MAN2B2: variants seen among roughly 807,000 people sequenced by gnomAD.
MAN2B2 encodes the protein epididymis-specific alpha-mannosidase.
Under a neutral mutation model 117.1 loss-of-function variants are expected in MAN2B2, and 106 were observed. The observed-to-expected ratio is 0.90, with a 90% CI of 0.77 to 1.06. MAN2B2 has a LOEUF of 1.06. Among genes scored for constraint, MAN2B2 ranks in the 50% least tolerant of loss-of-function variants. The pLI is 0.00. For synonymous variants in MAN2B2, 544 were observed against 595.1 expected (o/e 0.91, Z 1.25); for missense variants, 1,326 against 1,381.4 (o/e 0.96, Z 0.64).
chr4:6,604,729 G>T (rs1208949868), intron 10 of MAN2B2, among the ~76,000 whole-genome samples: 1 of 152,054 alleles, frequency 6.6e-6, no homozygotes, highest in Non-Finnish European at 1.5e-5. Context: ...GTGGATTTGG[G>T]TTTGCTTTTG....
intron 10 of MAN2B2, among the ~76,000 whole-genome samples, chr4:6,604,038 C>T (rs1023966107): frequency 1.3e-5 from 2 of 152,162 alleles, no homozygotes; most frequent in African/African-American, 4.8e-5. Flanking sequence ...AGTCCGTCCA[C>T]GTGGGGATGA....
intron 7 of MAN2B2, 122 bp from the exon 8 acceptor site, chr4:6,596,990 TC>T (rs1254408824): frequency 1.1e-5 from 11 of 968,196 alleles, no homozygotes; most frequent in Non-Finnish European, 1.7e-5. Flanking sequence ...CCGGCCTGCC[TC>T]CTTGGGTGAC....
chr4:6,588,098 G>T (rs969675816), intron 4 of MAN2B2, among the ~76,000 whole-genome samples: 6 of 152,102 alleles, frequency 3.9e-5, no homozygotes, highest in African/African-American at 1.2e-4. Flanking sequence ...GCAACCTTAT[G>T]GGACGGTGTC....
intron 3 of MAN2B2, among the ~76,000 whole-genome samples, chr4:6,579,124 T>TACCACCACCATC (rs1726230247): frequency 4.9e-5 from 1 of 20,568 alleles, no homozygotes; most frequent in Non-Finnish European, 9.9e-5. Flanking sequence ...CCATCACCAC[T>TACCACCACCATC]ACCACCACCA....
At chr4:6,579,552 T>C (rs1395459854) in intron 3 of MAN2B2, among the ~76,000 whole-genome samples, 2 of 142,856 alleles carry the variant, frequency 1.4e-5, no homozygotes, top group Non-Finnish European at 3.0e-5. Flanking sequence ...TGACCACCAC[T>C]ACCACTACCA....
At chr4:6,613,450 C>T (rs573866282) in intron 15 of MAN2B2, among the ~76,000 whole-genome samples, 2 of 152,010 alleles carry the variant, frequency 1.3e-5, no homozygotes, top group African/African-American at 4.8e-5. Context: ...GGGTGGTGGC[C>T]CATAGTCCCA....
intron 9 of MAN2B2, among the ~76,000 whole-genome samples, chr4:6,599,004 A>G (rs1466603998): frequency 1.3e-5 from 2 of 152,252 alleles, no homozygotes; most frequent in Non-Finnish European, 2.9e-5. Flanking sequence ...ACAAATGAAG[A>G]CAGGTTGGCG....
Position 6,579,154 on chromosome 4 carries a change from C to G in MAN2B2, c.391+656C>G. On this transcript the variant is annotated intron_variant, in intron 3 of 18. Transcript: ENST00000285599. ...CCACCACCACCATCACCACCACCAT[C>G]ACCATCACCACCACCACCACCACCA... Among the ~76,000 whole-genome samples the G allele has an allele frequency of 2.1e-5, 2 of 94,848 alleles. 1 individual carries two copies. The highest frequency in any genetic ancestry group is 1.0e-3 in the East Asian group (2 of 1,980). The allele number at this position is 94,848 out of a possible 152,430, so 62.2% of individuals were successfully genotyped here.
intron 4 of MAN2B2, 32 bp downstream of exon 4, chr4:6,587,200 GC>G: frequency 6.2e-7 from 1 of 1,600,538 alleles, no homozygotes; most frequent in African/African-American, 1.3e-5. Flanking sequence ...CTGCCGCCCA[GC>G]GACCGCTCCT....
chr4:6,611,028 G>A (rs776133954), intron 14 of MAN2B2, 38 bp downstream of exon 14: 2 of 1,612,936 alleles, frequency 1.2e-6, no homozygotes, highest in East Asian at 2.2e-5. Context: ...GCCCCTCGCG[G>A]CCCCCTACAG....
At chr4:6,619,049 G>A (rs1339706574) in intron 17 of MAN2B2, 2 of 152,302 alleles carry the variant, frequency 1.3e-5, no homozygotes, top group Admixed American at 6.5e-5. Context: ...CCAAGGCCCT[G>A]AGACAAGGAG....
At chr4:6,606,200 T>G (rs1279729078) in intron 11 of MAN2B2, among the ~76,000 whole-genome samples, 1 of 152,206 alleles carries the variant, frequency 6.6e-6, no homozygotes, top group Non-Finnish European at 1.5e-5. Context: ...GCATTTGTAC[T>G]GAGGTGGGTA....
chr4:6,586,037 G>T (rs1231702568), intron 3 of MAN2B2, among the ~76,000 whole-genome samples: 1 of 151,074 alleles, frequency 6.6e-6, no homozygotes, highest in East Asian at 1.9e-4. Flanking sequence ...ATAATTTATG[G>T]ACATCTTTTC....
chr4:6,581,769 C>G (rs886599020), intron 3 of MAN2B2, among the ~76,000 whole-genome samples: 76 of 151,488 alleles, frequency 5.0e-4, no homozygotes, highest in African/African-American at 1.7e-3. Context: ...AAGACCCACT[C>G]CTGGCTGCCC....
chr4:6,609,129 G>A lies in MAN2B2; in HGVS notation c.1837G>A (p.Val613Met), dbSNP rs751331155. The A allele has an allele frequency of 1.5e-5, 25 of 1,613,980 alleles. No individual in the cohort carries two copies. The highest frequency in any genetic ancestry group is 4.4e-5 in the South Asian group (4 of 91,074). Residue 613 changes from valine (V) to methionine (M), a missense_variant, in exon 12 of 19, where the codon GTG (valine) becomes ATG (methionine). Physicochemically the swap from Val to Met is conservative, Grantham distance 21. Coordinates refer to ENST00000285599, the MANE Select transcript of MAN2B2 (RefSeq NM_015274.3). ...WERQSNRTVR[V>M]TQEFLEYHVN... ...CAGACAGAGTAACCGAACGGTGCGC[G>A]TGACCCAGGAATTCCTGGAGTACCA...
In MAN2B2 at chr4:6,575,272, T is replaced by C. The variant is rs954431519; in HGVS notation, c.62T>C (p.Val21Ala). The C allele has an allele frequency of 6.4e-7, 1 of 1,555,036 alleles. No individual in the cohort carries two copies. Among genetic ancestry groups the C allele is most frequent in the African/African-American group, 1.4e-5 (1 of 73,812 alleles). The change falls in exon 1 of 19, where the codon GTC becomes GCC. Residue 21 changes from valine (V) to alanine (A), a missense_variant. Physicochemically the swap from Val to Ala is moderately conservative, Grantham distance 64 (BLOSUM62 0). Coordinates refer to ENST00000285599, the MANE Select transcript of MAN2B2 (RefSeq NM_015274.3). Reference protein sequence around the residue: ...APLLLLRPPGVQSAGPIRAFV... With the variant: ...APLLLLRPPGAQSAGPIRAFV... ...CTCCTGTTGCTGCGACCGCCAGGGG[T>C]CCAGTCCGCCGGCCCCATCCGGGCC...
In MAN2B2 at chr4:6,621,863, G is replaced by C. The variant is rs1008911189; in HGVS notation, c.*578G>C. ...GCCGAGCAGAGAAGGCACAGCAGCC[G>C]TCAGAGTCCATGAGAGGTGAAACCA... On this transcript the variant is annotated 3_prime_UTR_variant, in exon 19 of 19. Transcript: ENST00000285599. The C allele has an allele frequency of 3.9e-5, 6 of 152,540 alleles. No individual in the cohort carries two copies. Among genetic ancestry groups the C allele is most frequent in the Non-Finnish European group, 1.5e-5 (1 of 68,292 alleles). The allele number at this position is 152,540 out of a possible 1,614,324, so 9.4% of individuals were successfully genotyped here. A position where few individuals can be genotyped will look rare whatever the true frequency, so the allele number is the denominator to read the frequency against.
rs78428018 is a variant in MAN2B2, at chr4:6,607,726, C to T, written c.1815-1381C>T. ...AAGTTTTTGTGTGGACATACATTTTCGTTTCTCCTGGGTACATAGCTAGGA... is the reference window on the plus strand; with the variant it reads ...AAGTTTTTGTGTGGACATACATTTTTGTTTCTCCTGGGTACATAGCTAGGA... On this transcript the variant is annotated intron_variant, in intron 11 of 18. Transcript: ENST00000285599. Among the ~76,000 whole-genome samples the T allele has an allele frequency of 2.2e-3, 329 of 152,296 alleles. 1 individual carries two copies. The highest frequency in any genetic ancestry group is 7.6e-3 in the African/African-American group (317 of 41,550).
chr4:6,576,823 TG>T, intron 2 of MAN2B2, 99 bp downstream of exon 2: 1 of 1,470,914 alleles, frequency 6.8e-7, no homozygotes, highest in African/African-American at 1.4e-5. Context: ...AGGGCCAGGC[TG>T]GCATAAACCA....
Sources: gnomAD v4.1 joint callset for allele counts (sites outside exome capture counted in the v4.1 genomes callset) on GRCh38, gnomAD v4.1.1 for gene constraint, MANE v1.5 for transcripts, NCBI Gene and HGNC (gene_info 2026-07-23, HGNC 2026-07-21) for gene names.